Variants in PLEKHS1 observed in about 807,000 individuals in gnomAD.
PLEKHS1 encodes the protein pleckstrin homology domain-containing family S member 1.
Under a neutral mutation model 51.0 loss-of-function variants are expected in PLEKHS1, and 55 were observed. That is an observed-to-expected ratio of 1.08 (90% CI 0.87 to 1.35). The LOEUF is 1.35. Among genes scored for constraint, PLEKHS1 ranks in the 40% most tolerant of loss-of-function variants. The pLI is 0.00. For synonymous variants in PLEKHS1, 153 were observed against 144.8 expected (o/e 1.06, Z -0.41); for missense variants, 398 against 423.0 (o/e 0.94, Z 0.52).
exon 10 of PLEKHS1, chr10:113,774,934 A>G (rs1350016610): frequency 6.2e-7 from 1 of 1,614,158 alleles, no homozygotes; most frequent in South Asian, 1.1e-5. Flanking sequence ...AAGGCTCAGG[A>G]ATTGATTGGT....
chr10:113,757,164 T>C (rs1022214786), intron 2 of PLEKHS1, among the ~76,000 whole-genome samples: 4 of 152,258 alleles, frequency 2.6e-5, no homozygotes, highest in Admixed American at 6.5e-5. Context: ...CCACCCGCCT[T>C]GGCCTCCCAA....
intron 11 of PLEKHS1, among the ~76,000 whole-genome samples, chr10:113,780,014 G>A (rs1382561079): frequency 3.3e-5 from 5 of 152,158 alleles, no homozygotes; most frequent in African/African-American, 1.2e-4. Flanking sequence ...GGAAAAGGGA[G>A]ATATGGAACC....
chr10:113,767,055 T>G (rs913884840), intron 4 of PLEKHS1, among the ~76,000 whole-genome samples: 2 of 152,218 alleles, frequency 1.3e-5, no homozygotes, highest in African/African-American at 4.8e-5. Context: ...TAGATCAGCT[T>G]TTTTTGGTCT....
At chr10:113,766,449 A>C (rs1218090679) in exon 3 of PLEKHS1, 2 of 1,601,260 alleles carry the variant, frequency 1.2e-6, no homozygotes, top group Admixed American at 3.4e-5. Flanking sequence ...TGAAGTCTGC[A>C]AACAAGATTA....
At chr10:113,770,008 C>A in intron 7 of PLEKHS1, 108 bp downstream of exon 7, 1 of 797,700 alleles carries the variant, frequency 1.3e-6, no homozygotes, top group South Asian at 1.4e-5. Flanking sequence ...TTCCTCAAAG[C>A]CCGATGCACT....
At chr10:113,773,073 G>A (rs1278137093) in intron 8 of PLEKHS1, among the ~76,000 whole-genome samples, 1 of 152,200 alleles carries the variant, frequency 6.6e-6, no homozygotes, top group African/African-American at 2.4e-5. Context: ...GTAAGATGGT[G>A]ACGTATGTTT....
chr10:113,766,247 A>T (rs1844154179), intron 2 of PLEKHS1, among the ~76,000 whole-genome samples, 164 bp from the exon 3 acceptor site: 4 of 152,246 alleles, frequency 2.6e-5, no homozygotes, highest in Admixed American at 2.6e-4. Context: ...AGGAATAAGA[A>T]TCATACATTT....
chr10:113,753,816 AT>A (rs1209012483), intron 1 of PLEKHS1, among the ~76,000 whole-genome samples: 6 of 151,676 alleles, frequency 4.0e-5, no homozygotes, highest in East Asian at 1.9e-4. Context: ...TGTATTATAT[AT>A]TTTTTTTATT....
intron 1 of PLEKHS1, among the ~76,000 whole-genome samples, chr10:113,753,779 A>G (rs1593000270): frequency 6.6e-6 from 1 of 150,470 alleles, no homozygotes; most frequent in East Asian, 2.0e-4. Flanking sequence ...TAGGATTTTC[A>G]TCTCTGAACA....
intron 2 of PLEKHS1, among the ~76,000 whole-genome samples, chr10:113,759,006 T>C (rs1843798846): frequency 6.6e-6 from 1 of 151,422 alleles, no homozygotes; most frequent in African/African-American, 2.4e-5. Context: ...ACCTTCAATT[T>C]GTAAATAAAA....
At chr10:113,783,300 T>A (rs1300248568), downstream of PLEKHS1, 1 of 152,078 alleles carries the variant, frequency 6.6e-6, no homozygotes, top group Non-Finnish European at 1.5e-5. Context: ...ACACTGTAGA[T>A]ATTAAAATGT....
At chr10:113,759,126 G>A (rs927178683) in intron 2 of PLEKHS1, among the ~76,000 whole-genome samples, 13 of 152,182 alleles carry the variant, frequency 8.5e-5, no homozygotes, top group South Asian at 2.1e-4. Flanking sequence ...AAATGTGGCC[G>A]GGTGCGGTGG....
intron 7 of PLEKHS1, among the ~76,000 whole-genome samples, chr10:113,770,624 G>T (rs1173886629): frequency 1.3e-5 from 2 of 152,094 alleles, no homozygotes; most frequent in Non-Finnish European, 2.9e-5. Flanking sequence ...CTAGTTGGTA[G>T]CTCTCCAACT....
At chr10:113,775,984 T>A in intron 11 of PLEKHS1, 118 bp downstream of exon 11, 1 of 682,134 alleles carries the variant, frequency 1.5e-6, no homozygotes, top group Non-Finnish European at 2.3e-6. Flanking sequence ...CGGGGGAGCT[T>A]GGACTGTTGA....
At chr10:113,778,626 A>T (rs1450584566) in intron 11 of PLEKHS1, among the ~76,000 whole-genome samples, 1 of 150,630 alleles carries the variant, frequency 6.6e-6, no homozygotes, top group Non-Finnish European at 1.5e-5. Flanking sequence ...CAGGGCAAGT[A>T]CACATTCGTT....
At chr10:113,770,011 G>A (rs557049044) in intron 7 of PLEKHS1, 111 bp downstream of exon 7, 28 of 789,818 alleles carry the variant, frequency 3.5e-5, no homozygotes, top group Admixed American at 3.3e-4. Context: ...CTCAAAGCCC[G>A]ATGCACTATA....
At chr10:113,779,557 G>A (rs1345468515) in intron 11 of PLEKHS1, among the ~76,000 whole-genome samples, 2 of 144,380 alleles carry the variant, frequency 1.4e-5, no homozygotes, top group Non-Finnish European at 1.5e-5. Context: ...GGAACAGTGT[G>A]AGACTCTGTC....
chr10:113,767,996 T>A (rs1844238460), intron 5 of PLEKHS1, among the ~76,000 whole-genome samples: 1 of 152,146 alleles, frequency 6.6e-6, no homozygotes, highest in Non-Finnish European at 1.5e-5. Context: ...GCAACAACCC[T>A]CTTTCCAAAT....
rs144095573 is a variant in PLEKHS1, at chr10:113,767,027, A to G, written c.224+309A>G. On this transcript the variant is annotated intron_variant, in intron 4 of 11. Coordinates refer to ENST00000361048, the Ensembl canonical transcript of PLEKHS1. ...AATTGTCATTTTATAAAGTCAAGATAGAGTTTTAAAAAATATTTAGATCAG... is the reference window on the plus strand; with the variant it reads ...AATTGTCATTTTATAAAGTCAAGATGGAGTTTTAAAAAATATTTAGATCAG... Among the ~76,000 whole-genome samples the G allele has an allele frequency of 3.5e-3, 539 of 152,360 alleles. 6 individuals are homozygous for G. The highest frequency in any genetic ancestry group is 0.013 in the African/African-American group (524 of 41,594).
Sources: allele counts gnomAD v4.1 joint callset (sites outside exome capture counted in the v4.1 genomes callset), GRCh38; gene constraint gnomAD v4.1.1; transcripts MANE v1.5; gene names NCBI Gene and HGNC (gene_info 2026-07-23, HGNC 2026-07-21).